The following HDX variants were observed in gnomAD, a reference collection of about 807,000 sequenced individuals.
The protein encoded by HDX is chromosome X open reading frame 43.
In HDX, 19 loss-of-function variants were observed where a neutral mutation model predicts 45.2. That is an observed-to-expected ratio of 0.42 (90% CI 0.29 to 0.62). HDX has a LOEUF of 0.62. HDX is among the 20% of genes least tolerant of loss of function. The pLI, the probability that HDX is intolerant of heterozygous loss-of-function variation, is 0.20. For missense variants in HDX, 532 were observed against 493.9 expected (o/e 1.08, Z -0.73); for synonymous variants, 188 against 172.8 (o/e 1.09, Z -0.69).
chrX:84,438,717 C>A (rs1173191927), intron 5 of HDX, among the ~76,000 whole-genome samples: 2 of 111,315 alleles, frequency 1.8e-5, no homozygotes, highest in African/African-American at 6.5e-5. Context: ...CTGCAAAGGA[C>A]ATGATTTTAT....
chrX:84,449,077 A>T (rs1375317428), intron 4 of HDX, among the ~76,000 whole-genome samples: 1 of 108,770 alleles, frequency 9.2e-6, no homozygotes, highest in African/African-American at 3.3e-5. Flanking sequence ...GAATTTCAGA[A>T]TGGGAAGATA....
intron 4 of HDX, among the ~76,000 whole-genome samples, chrX:84,449,498 C>T (rs137948337): frequency 0.013 from 1,480 of 111,962 alleles, 36 homozygotes; most frequent in African/African-American, 0.047. Flanking sequence ...GGCCAGGAGA[C>T]AGTGGAATGG....
At chrX:84,492,526 G>T (rs1051987249) in intron 1 of HDX, among the ~76,000 whole-genome samples, 1 of 111,018 alleles carries the variant, frequency 9.0e-6, no homozygotes, top group Non-Finnish European at 1.9e-5. Context: ...TGGAAAATGG[G>T]ACTATAAAAC....
chrX:84,360,969 T>C (rs1358020547), intron 6 of HDX, among the ~76,000 whole-genome samples: 1 of 111,854 alleles, frequency 8.9e-6, no homozygotes, highest in Non-Finnish European at 1.9e-5. Flanking sequence ...ATATGATAAC[T>C]CTGTGTTAAA....
chrX:84,370,080 C>G (rs541957814), intron 5 of HDX, among the ~76,000 whole-genome samples: 1 of 111,507 alleles, frequency 9.0e-6, no homozygotes, highest in East Asian at 2.8e-4. Context: ...GTGAATGGGC[C>G]TCATCTATTT....
At chrX:84,447,767 A>G (rs932022409) in intron 4 of HDX, among the ~76,000 whole-genome samples, 1 of 111,677 alleles carries the variant, frequency 9.0e-6, no homozygotes, top group Non-Finnish European at 1.9e-5. Flanking sequence ...ACCAGGGCTG[A>G]AGCACAACCC....
rs200660633 is a variant in HDX, at chrX:84,405,660, A to ATGTGTGTGTG, written c.1305+34871_1305+34872insCACACACACA. Among the ~76,000 whole-genome samples, 16 of 84,157 alleles carry ATGTGTGTGTG rather than the reference A, an allele frequency of 1.9e-4. No individual in the cohort carries two copies. The East Asian group carries it at 2.6e-3, about 14-fold the overall frequency. 73.1% of individuals were successfully genotyped at this position (84,157 alleles called of 115,157 possible). ...AGCCTCACAAGCTATATATATATAT[A>ATGTGTGTGTG]TATATGTGTGTGTGTGTGTGTGTGT... On this transcript the variant is annotated intron_variant, in intron 5 of 10. Coordinates refer to ENST00000373177, the MANE Select transcript of HDX (RefSeq NM_001177479.2).
At chrX:84,333,683 G>A (rs995179067) in intron 9 of HDX, 76 bp downstream of exon 9, 14 of 442,630 alleles carry the variant, frequency 3.2e-5, no homozygotes, top group Non-Finnish European at 4.8e-5. Flanking sequence ...TATTAAATAG[G>A]AGTAATATAG....
At position 84,440,594 on chromosome X, in the gene HDX, A is replaced by G; in HGVS notation, c.1252-9T>C. On this transcript the variant is annotated splice_polypyrimidine_tract_variant and intron_variant, in intron 4 of 10. Coordinates refer to ENST00000373177, the MANE Select transcript of HDX (RefSeq NM_001177479.2). The stretch of plus-strand genomic sequence containing the variant: ...GTAAGGTTTCCTGAAATCTGTGAAA[A>G]CAATAAATGGAATCTCAGTAAGCTA... 1 of 1,141,043 alleles carries G rather than the reference A, an allele frequency of 8.8e-7. No individual in the cohort carries two copies. Among genetic ancestry groups the G allele is most frequent in the Non-Finnish European group, 1.2e-6 (1 of 834,628 alleles). 94.0% of individuals were successfully genotyped at this position (1,141,043 alleles called of 1,213,427 possible).
chrX:84,474,631 C>T (rs1189726277), intron 3 of HDX, among the ~76,000 whole-genome samples: 1 of 111,855 alleles, frequency 8.9e-6, no homozygotes, highest in African/African-American at 3.3e-5. Flanking sequence ...CAATAAGATC[C>T]GTGACCAGTT....
At chrX:84,391,893 A>T (rs60851746) in intron 5 of HDX, among the ~76,000 whole-genome samples, 28,092 of 110,516 alleles carry the variant, frequency 0.25, 2,671 homozygotes, top group Non-Finnish European at 0.3. Context: ...ACAGGTTGTG[A>T]CTTCATTCTC....
At chrX:84,325,394 T>C (rs1046151273) in intron 10 of HDX, among the ~76,000 whole-genome samples, 1 of 111,589 alleles carries the variant, frequency 9.0e-6, no homozygotes, top group Non-Finnish European at 1.9e-5. Flanking sequence ...ACTACTCCTA[T>C]AGAACTGTGA....
chrX:84,489,695 G>C (rs1033217614), intron 1 of HDX, among the ~76,000 whole-genome samples: 8 of 112,159 alleles, frequency 7.1e-5, no homozygotes, highest in Non-Finnish European at 1.5e-4. Context: ...TAGAGGGAGA[G>C]AGTTCCTTCT....
chrX:84,345,865 T>G (rs1179505544), intron 6 of HDX, among the ~76,000 whole-genome samples: 2 of 111,229 alleles, frequency 1.8e-5, no homozygotes, highest in African/African-American at 6.5e-5. Context: ...CAACAAGTTC[T>G]TAATGTTGGC....
At chrX:84,413,643 G>A (rs1602409800) in intron 5 of HDX, among the ~76,000 whole-genome samples, 1 of 111,655 alleles carries the variant, frequency 9.0e-6, no homozygotes, top group Non-Finnish European at 1.9e-5. Flanking sequence ...TTTTAGGAGA[G>A]GAAAATGAGA....
intron 5 of HDX, among the ~76,000 whole-genome samples, chrX:84,362,401 A>G (rs2037642991): frequency 9.0e-6 from 1 of 111,498 alleles, no homozygotes; most frequent in South Asian, 3.7e-4. Context: ...CAGAGAGTCC[A>G]TGGCAGAGCT....
At chrX:84,350,035 A>G (rs2037304622) in intron 6 of HDX, among the ~76,000 whole-genome samples, 1 of 110,527 alleles carries the variant, frequency 9.0e-6, no homozygotes, top group African/African-American at 3.3e-5. Context: ...TGTGTGTAAC[A>G]AAACTGCACT....
In HDX at chrX:84,336,834, T is replaced by C; in HGVS notation, c.1707A>G (p.Glu569=). The C allele has an allele frequency of 8.4e-7, 1 of 1,191,566 alleles. No individual in the cohort carries two copies. Among genetic ancestry groups the C allele is most frequent in the Non-Finnish European group, 1.1e-6 (1 of 879,941 alleles). Residue 569 remains glutamate (E), a synonymous_variant, in exon 8 of 11, where the codon GAA becomes GAG. Coordinates refer to ENST00000373177, the MANE Select transcript of HDX (RefSeq NM_001177479.2). Reference sequence around the variant, plus strand: ...CTGTGGTTACTGCATGGTGGTCCTCTTCCTTATGAGCCCTTGCATCATTCG... The same window carrying C: ...CTGTGGTTACTGCATGGTGGTCCTCCTCCTTATGAGCCCTTGCATCATTCG... ...VVPNDARAHK[E]EDHHAVTTDN...
intron 9 of HDX, among the ~76,000 whole-genome samples, chrX:84,333,033 C>G (rs1007315295): frequency 9.0e-6 from 1 of 111,372 alleles, no homozygotes; most frequent in Non-Finnish European, 1.9e-5. Context: ...CTGCTTTGAA[C>G]ACTAATGACA....
Sources: allele counts gnomAD v4.1 joint callset (sites outside exome capture counted in the v4.1 genomes callset), GRCh38; gene constraint gnomAD v4.1.1; transcripts MANE v1.5; gene names NCBI Gene and HGNC (gene_info 2026-07-23, HGNC 2026-07-21).